The following TTC6 variants were observed in gnomAD, a reference collection of about 807,000 sequenced individuals.
TTC6 encodes tetratricopeptide repeat protein 6.
In TTC6, 172 loss-of-function variants were observed where a neutral mutation model predicts 210.4. The ratio of observed to expected loss-of-function variants is 0.82; its 90% CI spans 0.72 to 0.93. The LOEUF (loss-of-function observed/expected upper bound fraction) is 0.93, where lower values mean the gene tolerates loss of function less well. Among genes scored for constraint, TTC6 ranks in the 40% least tolerant of loss-of-function variants. TTC6 has a pLI of 0.00. For missense variants in TTC6, 2,414 were observed against 2,318.1 expected (o/e 1.04, Z -0.85); for synonymous variants, 804 against 819.6 (o/e 0.98, Z 0.32).
chr14:37,772,913 C>T (rs189466296), intron 14 of TTC6, among the ~76,000 whole-genome samples: 22 of 152,270 alleles, frequency 1.4e-4, no homozygotes, highest in African/African-American at 5.3e-4. Flanking sequence ...GCAACCTCAC[C>T]AAGAAAATGT....
intron 24 of TTC6, 68 bp from the exon 27 acceptor site, chr14:37,812,246 C>G (rs112495565): frequency 1.3e-6 from 2 of 1,506,344 alleles, no homozygotes; most frequent in Non-Finnish European, 1.8e-6. Flanking sequence ...GACATAAATA[C>G]GTTTGTCCAT....
At chr14:37,776,208 G>A (rs1333970099) in intron 14 of TTC6, among the ~76,000 whole-genome samples, 1 of 20,902 alleles carries the variant, frequency 4.8e-5, no homozygotes, top group Non-Finnish European at 1.3e-4. Context: ...CCGCCACCGC[G>A]CCCGGCTAAT....
At chr14:37,807,481 G>T (rs1189763541) in intron 23 of TTC6, 21 bp downstream of exon 25, 18 of 1,444,118 alleles carry the variant, frequency 1.2e-5, no homozygotes, top group Non-Finnish European at 1.5e-5. Context: ...TTCCTGCCTG[G>T]TTTACCGAAA....
intron 24 of TTC6, among the ~76,000 whole-genome samples, chr14:37,811,824 T>C (rs1000166305): frequency 6.6e-6 from 1 of 152,236 alleles, no homozygotes; most frequent in Non-Finnish European, 1.5e-5. Context: ...TCATGATTTT[T>C]TCATTGGATA....
At chr14:37,787,776 T>A in intron 15 of TTC6, 139 bp downstream of exon 17, 2 of 563,538 alleles carry the variant, frequency 3.5e-6, no homozygotes, top group Non-Finnish European at 5.5e-6. Context: ...TAAGTATATA[T>A]TACATGAGCT....
At chr14:37,707,070 T>C (rs1157260984) in intron 5 of TTC6, among the ~76,000 whole-genome samples, 13 of 152,104 alleles carry the variant, frequency 8.5e-5, no homozygotes, top group Admixed American at 8.5e-4. Flanking sequence ...CTATGTGTTT[T>C]TTGTTTGTAT....
chr14:37,750,922 A>G (rs541067947), intron 12 of TTC6, 131 bp from the exon 15 acceptor site: 6 of 501,556 alleles, frequency 1.2e-5, no homozygotes, highest in African/African-American at 1.2e-4. Flanking sequence ...AAAATAAGAT[A>G]AACTAATAAG....
chr14:37,691,075 A>T (rs2095802765), intron 3 of TTC6, among the ~76,000 whole-genome samples: 2 of 152,184 alleles, frequency 1.3e-5, no homozygotes, highest in African/African-American at 4.8e-5. Context: ...CACATCTGCC[A>T]TCCTAGCACT....
chr14:37,724,636 G>A (rs544991802), intron 6 of TTC6, among the ~76,000 whole-genome samples: 1 of 152,162 alleles, frequency 6.6e-6, no homozygotes, highest in Non-Finnish European at 1.5e-5. Flanking sequence ...GATGTGGCAC[G>A]TACACTTTCT....
chr14:37,827,280 C>G, exon 29 of TTC6: 1 of 1,613,242 alleles, frequency 6.2e-7, no homozygotes, highest in Non-Finnish European at 8.5e-7. Context: ...GAAAGACTAC[C>G]AAGATGCAAT....
chr14:37,786,998 A>T (rs1014336165), intron 14 of TTC6, among the ~76,000 whole-genome samples: 1 of 152,188 alleles, frequency 6.6e-6, no homozygotes, highest in Non-Finnish European at 1.5e-5. Flanking sequence ...TCATCCGTGA[A>T]AGAGCAGACT....
chr14:37,702,817 C>A (rs1472257528), intron 5 of TTC6, among the ~76,000 whole-genome samples: 1 of 152,020 alleles, frequency 6.6e-6, no homozygotes, highest in African/African-American at 2.4e-5. Flanking sequence ...TTAAAAATTA[C>A]CTGGTTTCCC....
At chr14:37,738,513 A>C (rs2095908193) in intron 9 of TTC6, among the ~76,000 whole-genome samples, 1 of 152,102 alleles carries the variant, frequency 6.6e-6, no homozygotes, top group South Asian at 2.1e-4. Flanking sequence ...AGAAAATCAT[A>C]ATACATATCT....
intron 17 of TTC6, among the ~76,000 whole-genome samples, chr14:37,792,776 TTGTGTGTGTG>T (rs34766491): frequency 3.4e-4 from 47 of 140,108 alleles, no homozygotes; most frequent in South Asian, 2.6e-3. Context: ...TGGTCCAATG[TTGTGTGTGTG>T]TGTGTGTGTG....
chr14:37,616,739 CAAAAA>C (rs11416796), intron 2 of TTC6, among the ~76,000 whole-genome samples: 3 of 98,262 alleles, frequency 3.1e-5, no homozygotes, highest in Non-Finnish European at 4.1e-5. Context: ...TACTCCATCT[CAAAAA>C]AAAAAAAAAA....
intron 1 of TTC6, among the ~76,000 whole-genome samples, chr14:37,624,137 C>G (rs1187743360): frequency 1.3e-5 from 2 of 152,162 alleles, no homozygotes; most frequent in Non-Finnish European, 2.9e-5. Flanking sequence ...GAAGCAAAAA[C>G]AGGTATGAAC....
intron 1 of TTC6, among the ~76,000 whole-genome samples, chr14:37,599,399 A>G (rs2095610915): frequency 1.3e-5 from 2 of 151,996 alleles, no homozygotes; most frequent in South Asian, 4.2e-4. Context: ...ACGGGCCTCA[A>G]CCCCGGCTGT....
chr14:37,627,506 A>T (rs1255141719), intron 1 of TTC6, among the ~76,000 whole-genome samples: 1 of 126,412 alleles, frequency 7.9e-6, no homozygotes, highest in Non-Finnish European at 1.6e-5. Context: ...CCCTGTGTCC[A>T]TGTGTTCTCA....
chr14:37,796,157 A>G (rs963023795), intron 18 of TTC6, 137 bp from the exon 21 acceptor site: 3 of 400,044 alleles, frequency 7.5e-6, no homozygotes, highest in African/African-American at 4.2e-5. Flanking sequence ...AAATGTCTAT[A>G]ATTTTCACTT....
Sources: gnomAD v4.1 joint callset for allele counts (sites outside exome capture counted in the v4.1 genomes callset) on GRCh38, gnomAD v4.1.1 for gene constraint, MANE v1.5 for transcripts, NCBI Gene and HGNC (gene_info 2026-07-23, HGNC 2026-07-21) for gene names.